PRKCZ: variants seen among roughly 807,000 people sequenced by gnomAD.
The protein encoded by PRKCZ is protein kinase C zeta.
PRKCZ carries 33 observed loss-of-function variants against 79.5 expected under a neutral mutation model. The ratio of observed to expected loss-of-function variants is 0.41; its 90% CI spans 0.31 to 0.55. The LOEUF (loss-of-function observed/expected upper bound fraction) is 0.55. PRKCZ is among the 20% of genes least tolerant of loss of function. The pLI is 0.19. For synonymous variants in PRKCZ, 342 were observed against 320.9 expected, an observed-to-expected ratio of 1.07 and a Z score of -0.70; for missense variants, 578 against 813.5, an observed-to-expected ratio of 0.71 and a Z score of 3.52.
At chr1:2,150,250 G>A (rs542863658) in intron 8 of PRKCZ, among the ~76,000 whole-genome samples, 8 of 152,034 alleles carry the variant, frequency 5.3e-5, no homozygotes, top group African/African-American at 1.7e-4. Context: ...CGACCTCCTT[G>A]CCAGGTGTAG....
intron 10 of PRKCZ, among the ~76,000 whole-genome samples, chr1:2,158,002 G>T (rs1389905507): frequency 6.6e-6 from 1 of 152,208 alleles, no homozygotes; most frequent in Non-Finnish European, 1.5e-5. Context: ...TACATCTGGC[G>T]ACTTGCTCTC....
At chr1:2,150,293 G>A (rs951349912) in intron 8 of PRKCZ, among the ~76,000 whole-genome samples, 3 of 152,140 alleles carry the variant, frequency 2.0e-5, no homozygotes, top group Non-Finnish European at 4.4e-5. Context: ...GTTCTTCCTC[G>A]GAGCGCCTTT....
chr1:2,161,050 T>C (rs923873777), intron 10 of PRKCZ, among the ~76,000 whole-genome samples: 2 of 152,116 alleles, frequency 1.3e-5, no homozygotes, highest in Admixed American at 1.3e-4. Flanking sequence ...GTGCCTCTTC[T>C]TGGGGAACAT....
chr1:2,169,925 A>G (rs1405027127), intron 11 of PRKCZ, among the ~76,000 whole-genome samples: 1 of 151,998 alleles, frequency 6.6e-6, no homozygotes, highest in Non-Finnish European at 1.5e-5. Flanking sequence ...CGTCCCCTGC[A>G]TTGTGACACA....
chr1:2,070,650 A>G (rs1346526885), intron 4 of PRKCZ, among the ~76,000 whole-genome samples: 1 of 151,872 alleles, frequency 6.6e-6, no homozygotes, highest in African/African-American at 2.4e-5. Flanking sequence ...CCTGGGGCAG[A>G]TAGCAGGGGA....
chr1:2,055,443 A>T lies in PRKCZ; in HGVS notation c.74A>T (p.Asp25Val). ...RVRLKAHYGG[D>V]IFITSVDAAT... The stretch of plus-strand genomic sequence containing the variant: ...TGCCCATGTCCCCTCTGCCCCAGGG[A>T]CATCTTCATCACCAGCGTGGACGCC... The change falls in exon 2 of 18, where the codon GAC becomes GTC. Residue 25 changes from aspartate (D) to valine (V), a missense_variant and splice_region_variant. Physicochemically the swap from Asp to Val is radical, Grantham distance 152 (BLOSUM62 -3). Around this residue, in one of 4 missense-constraint regions of PRKCZ, gnomAD observed 228 missense variants for 211.6 expected, o/e 1.08. Transcript: ENST00000378567. 6.2e-7 allele frequency: 1 copy of T among 1,611,518 alleles called. No homozygotes were observed. Among genetic ancestry groups the T allele is most frequent in the South Asian group, 1.1e-5 (1 of 90,802 alleles).
intron 4 of PRKCZ, among the ~76,000 whole-genome samples, chr1:2,070,252 G>C (rs961108934): frequency 6.6e-6 from 1 of 152,090 alleles, no homozygotes; most frequent in Non-Finnish European, 1.5e-5. Context: ...CCTGGGGAAA[G>C]GTGTCCTACA....
intron 4 of PRKCZ, chr1:2,111,740 T>C (rs1209745920): frequency 6.6e-6 from 1 of 152,368 alleles, no homozygotes; most frequent in Non-Finnish European, 1.5e-5. Flanking sequence ...TCTGTCCTGG[T>C]GTGGACAGCA....
chr1:2,182,728 G>C (rs1232435192), intron 16 of PRKCZ: 1 of 154,824 alleles, frequency 6.5e-6, no homozygotes, highest in Non-Finnish European at 1.5e-5. Flanking sequence ...CATGAGGCTG[G>C]AGTCAGTGGG....
intron 10 of PRKCZ, chr1:2,169,146 G>A (rs1374299361): frequency 1.7e-5 from 8 of 458,930 alleles, no homozygotes; most frequent in Non-Finnish European, 3.1e-5. Context: ...AAACTGCCTC[G>A]CTCCAGCCCC....
intron 7 of PRKCZ, 59 bp from the exon 8 acceptor site, chr1:2,148,813 G>A (rs1679258870): frequency 1.3e-6 from 2 of 1,559,912 alleles, no homozygotes; most frequent in African/African-American, 1.4e-5. Context: ...GGGTCGCTGT[G>A]TTCCCAGTGC....
At chr1:2,155,728 G>A (rs1198041009) in intron 9 of PRKCZ, among the ~76,000 whole-genome samples, 1 of 151,348 alleles carries the variant, frequency 6.6e-6, no homozygotes, top group Non-Finnish European at 1.5e-5. Flanking sequence ...CGATGATAGT[G>A]GGGGGTGGGG....
intron 4 of PRKCZ, among the ~76,000 whole-genome samples, chr1:2,102,178 G>A (rs1255459559): frequency 1.3e-5 from 2 of 152,176 alleles, no homozygotes; most frequent in African/African-American, 4.8e-5. Context: ...CCTGGTGCCT[G>A]CCTGGCCCTG....
At chr1:2,074,293 G>C in intron 4 of PRKCZ, 2 of 1,549,458 alleles carry the variant, frequency 1.3e-6, no homozygotes, top group East Asian at 2.4e-5. Flanking sequence ...GCCCAGGCCT[G>C]GTGGATGTGT....
chr1:2,074,364 G>A (rs1661999636), intron 4 of PRKCZ: 22 of 1,514,852 alleles, frequency 1.5e-5, no homozygotes, highest in East Asian at 2.5e-5. Context: ...GGGCTCGTCT[G>A]CCTGCCTGGC....
intron 4 of PRKCZ, among the ~76,000 whole-genome samples, chr1:2,060,028 C>A (rs895444160): frequency 6.6e-6 from 1 of 152,190 alleles, no homozygotes; most frequent in Non-Finnish European, 1.5e-5. Flanking sequence ...GAGAGTGAGT[C>A]CCGGGGGCTG....
intron 8 of PRKCZ, 38 bp from the exon 9 acceptor site, chr1:2,150,752 C>T (rs1487524476): frequency 6.3e-7 from 1 of 1,588,610 alleles, no homozygotes; most frequent in Non-Finnish European, 8.6e-7. Context: ...CCCGGGAACC[C>T]CCCTCTCACT....
rs1161786988 is a variant in PRKCZ, at chr1:2,173,414, G to GT, written c.1286-483_1286-482insT. Among the ~76,000 whole-genome samples the GT allele has an allele frequency of 2.0e-5, 3 of 152,182 alleles. No individual in the cohort carries two copies. The highest frequency in any genetic ancestry group is 4.4e-5 in the Non-Finnish European group (3 of 68,028). On this transcript the variant is annotated intron_variant, in intron 13 of 17. Transcript: ENST00000378567. The surrounding 1 kb of genome is among the most constrained non-coding windows in gnomAD (Gnocchi z 5.7). The stretch of plus-strand genomic sequence containing the variant: ...GACGCAGAGACAGCTGCTGTCCTTG[G>GT]GCAAAACGGGTCAGGGTCTCCCACC...
intron 16 of PRKCZ, among the ~76,000 whole-genome samples, chr1:2,180,568 G>T (rs902155059): frequency 2.0e-5 from 3 of 151,736 alleles, no homozygotes; most frequent in Non-Finnish European, 4.4e-5. Context: ...CGACGTGGAC[G>T]CACAGATGAC....
Sources: gnomAD v4.1 joint callset for allele counts (sites outside exome capture counted in the v4.1 genomes callset) on GRCh38, gnomAD v4.1.1 for gene constraint, gnomAD v4.1.1 regional missense constraint, Gnocchi (gnomAD v3.1) non-coding constraint, MANE v1.5 for transcripts, NCBI Gene and HGNC (gene_info 2026-07-23, HGNC 2026-07-21) for gene names.